The following RBMS3 variants were observed in gnomAD, a reference collection of about 807,000 sequenced individuals.
RBMS3 encodes the protein RNA-binding motif, single-stranded-interacting protein 3.
In RBMS3, 27 loss-of-function variants were observed where a neutral mutation model predicts 66.8. The observed-to-expected ratio is 0.40, with a 90% CI of 0.30 to 0.56. The LOEUF (loss-of-function observed/expected upper bound fraction) is 0.56, where lower values mean the gene tolerates loss of function less well. Among genes scored for constraint, RBMS3 ranks in the 20% least tolerant of loss-of-function variants. The pLI, the probability that RBMS3 is intolerant of heterozygous loss-of-function variation, is 0.40. For missense variants in RBMS3, 513 were observed against 549.5 expected, an observed-to-expected ratio of 0.93 and a Z score of 0.66; for synonymous variants, 188 against 183.0, an observed-to-expected ratio of 1.03 and a Z score of -0.22.
intron 4 of RBMS3, 134 bp from the exon 5 acceptor site, chr3:29,739,586 G>T: frequency 3.1e-6 from 2 of 655,734 alleles, no homozygotes; most frequent in Admixed American, 3.1e-5. Flanking sequence ...AAGAAGTAAT[G>T]CCCCTAGTGA....
At chr3:29,430,332 A>C (rs2041132252) in intron 1 of RBMS3, among the ~76,000 whole-genome samples, 1 of 152,132 alleles carries the variant, frequency 6.6e-6, no homozygotes. Context: ...TCTAGAATTT[A>C]CGAACAAGGA....
chr3:29,457,827 C>CTTTTTTTTTT lies in RBMS3; in HGVS notation c.248+22920_248+22929dup, dbSNP rs36020077. Among the ~76,000 whole-genome samples the CTTTTTTTTTT allele has an allele frequency of 2.8e-5, 4 of 140,832 alleles. 2 individuals carry two copies. The highest frequency in any genetic ancestry group is 1.0e-4 in the African/African-American group (4 of 38,302). The allele number at this position is 140,832 out of a possible 152,430, so 92.4% of individuals were successfully genotyped here. A position where few individuals can be genotyped will look rare whatever the true frequency, so the allele number is the denominator to read the frequency against. ...AGCTCTTACCATTTCTCAATTTGCA[C>CTTTTTTTTTT]TTTTTTTTTTTTTTTTTGACATTAA... On this transcript the variant is annotated intron_variant, in intron 2 of 14. Coordinates refer to ENST00000383767, the MANE Select transcript of RBMS3 (RefSeq NM_001003793.3).
At chr3:29,376,765 G>C (rs2038492514) in intron 1 of RBMS3, among the ~76,000 whole-genome samples, 1 of 152,038 alleles carries the variant, frequency 6.6e-6, no homozygotes, top group African/African-American at 2.4e-5. Context: ...AAATTACCTG[G>C]CGTGGTGGCG....
At chr3:29,928,874 T>C (rs1577175445) in intron 10 of RBMS3, among the ~76,000 whole-genome samples, 1 of 152,016 alleles carries the variant, frequency 6.6e-6, no homozygotes, top group South Asian at 2.1e-4. Context: ...TTGTGAGTGG[T>C]AGACACCCCC....
intron 6 of RBMS3, among the ~76,000 whole-genome samples, chr3:29,864,650 A>C (rs1242243956): frequency 6.6e-6 from 1 of 152,218 alleles, no homozygotes; most frequent in Non-Finnish European, 1.5e-5. Context: ...GAAGTGGCTG[A>C]CAGAGATTCT....
chr3:29,413,520 TAACTC>T (rs1195212248), intron 1 of RBMS3, among the ~76,000 whole-genome samples: 2 of 152,186 alleles, frequency 1.3e-5, no homozygotes, highest in Non-Finnish European at 2.9e-5. Context: ...AAGAATTTAA[TAACTC>T]AAATATTTGG....
intron 3 of RBMS3, among the ~76,000 whole-genome samples, chr3:29,546,730 C>T (rs960350087): frequency 6.6e-6 from 1 of 152,050 alleles, no homozygotes; most frequent in African/African-American, 2.4e-5. Flanking sequence ...ACAGAAATTG[C>T]TACTTAGGAA....
At chr3:29,947,095 T>C (rs1014833770) in intron 12 of RBMS3, among the ~76,000 whole-genome samples, 1 of 151,470 alleles carries the variant, frequency 6.6e-6, no homozygotes, top group Admixed American at 6.6e-5. Context: ...GATTAGCAGT[T>C]TCAATGAGAT....
chr3:29,784,489 A>C (rs2056751089), intron 6 of RBMS3, among the ~76,000 whole-genome samples: 1 of 152,040 alleles, frequency 6.6e-6, no homozygotes, highest in Non-Finnish European at 1.5e-5. Flanking sequence ...TGAACTGAAC[A>C]ATAATAGTAA....
chr3:29,968,647 G>T (rs1439747613), intron 12 of RBMS3, among the ~76,000 whole-genome samples: 1 of 152,238 alleles, frequency 6.6e-6, no homozygotes, highest in Non-Finnish European at 1.5e-5. Context: ...GTGCTCAGGA[G>T]AGGAGGGTGT....
chr3:29,308,759 A>C (rs1418134813), intron 1 of RBMS3, among the ~76,000 whole-genome samples: 14 of 10,504 alleles, frequency 1.3e-3, no homozygotes, highest in Non-Finnish European at 3.7e-3. Context: ...AAAAAAACAA[A>C]AAAAAAAACG....
At chr3:29,423,756 TTTAAG>T (rs2040839692) in intron 1 of RBMS3, among the ~76,000 whole-genome samples, 1 of 152,208 alleles carries the variant, frequency 6.6e-6, no homozygotes, top group Admixed American at 6.5e-5. Flanking sequence ...CATTTTTAAA[TTTAAG>T]TTAATTTTAA....
intron 3 of RBMS3, among the ~76,000 whole-genome samples, chr3:29,530,705 CAAAAAAA>C (rs35876128): frequency 8.1e-6 from 1 of 123,728 alleles, no homozygotes; most frequent in Admixed American, 8.5e-5. Flanking sequence ...ACTAAAAATA[CAAAAAAA>C]AAAAAAAAAA....
At chr3:29,836,801 A>C (rs937922193) in intron 6 of RBMS3, among the ~76,000 whole-genome samples, 2 of 151,270 alleles carry the variant, frequency 1.3e-5, no homozygotes, top group African/African-American at 4.9e-5. Flanking sequence ...ATATATATAT[A>C]TCTGAAAACA....
chr3:29,942,624 A>G (rs1013572016), intron 11 of RBMS3, among the ~76,000 whole-genome samples: 1 of 151,980 alleles, frequency 6.6e-6, no homozygotes, highest in Middle Eastern at 3.4e-3. Flanking sequence ...AAGGCTAAAG[A>G]GAAATATAAA....
intron 1 of RBMS3, among the ~76,000 whole-genome samples, chr3:29,347,354 G>T (rs1040854680): frequency 2.0e-5 from 3 of 152,138 alleles, no homozygotes; most frequent in Non-Finnish European, 4.4e-5. Flanking sequence ...AATATTTAAA[G>T]ATATTTAATA....
At chr3:29,447,057 C>T (rs2041858833) in intron 2 of RBMS3, among the ~76,000 whole-genome samples, 1 of 151,784 alleles carries the variant, frequency 6.6e-6, no homozygotes, top group Non-Finnish European at 1.5e-5. Context: ...GGATTGCAGG[C>T]ATCTGCCACC....
rs139676005 is a variant in RBMS3, at chr3:29,770,087, A to G, written c.637+7098A>G. ...AAAGAACTCATTCTTGAACAGTGCA[A>G]TGATGAATTCTGTTTTCTGGCATGG... On this transcript the variant is annotated intron_variant, in intron 6 of 14. Coordinates refer to ENST00000383767, the MANE Select transcript of RBMS3 (RefSeq NM_001003793.3). 1.9e-3 allele frequency among the ~76,000 whole-genome samples: 290 copies of G among 152,042 alleles called. 2 individuals carry two copies. The highest frequency in any genetic ancestry group is 6.8e-3 in the African/African-American group (281 of 41,522).
rs939433531 is a variant in RBMS3 at position 30,007,642 on chromosome 3, C to G, written c.*3780C>G. ...AGACAACGTAATGAGCCCAAGTGAA[C>G]TGAAGGTCATACTGGCAGGTGCTGA... On this transcript the variant is annotated 3_prime_UTR_variant, in exon 15 of 15. Transcript: ENST00000383767. The G allele has an allele frequency of 1.3e-5, 2 of 152,070 alleles. No individual in the cohort carries two copies. Among genetic ancestry groups the G allele is most frequent in the African/African-American group, 2.4e-5 (1 of 41,430 alleles). 9.4% of individuals were successfully genotyped at this position (152,070 alleles called of 1,614,324 possible).
Sources: gnomAD v4.1 joint callset for allele counts (sites outside exome capture counted in the v4.1 genomes callset) on GRCh38, gnomAD v4.1.1 for gene constraint, MANE v1.5 for transcripts, NCBI Gene and HGNC (gene_info 2026-07-23, HGNC 2026-07-21) for gene names.